MTMR8: variants seen among roughly 807,000 people sequenced by gnomAD.
MTMR8 encodes phosphatidylinositol-3,5-bisphosphate 3-phosphatase MTMR8.
In MTMR8, 65 loss-of-function variants were observed where a neutral mutation model predicts 39.3. The ratio of observed to expected loss-of-function variants is 1.65; its 90% CI spans 1.35 to 2.03. The LOEUF (loss-of-function observed/expected upper bound fraction) is 2.03, where lower values mean the gene tolerates loss of function less well. MTMR8 is among the 30% of genes most tolerant of loss of function. The pLI is 0.00. For synonymous variants in MTMR8, 245 were observed against 185.2 expected, an observed-to-expected ratio of 1.32 and a Z score of -2.62; for missense variants, 777 against 538.9, an observed-to-expected ratio of 1.44 and a Z score of -4.37.
intron 6 of MTMR8, 83 bp from the exon 7 acceptor site, chrX:64,345,260 A>G: frequency 1.0e-6 from 1 of 989,579 alleles, no homozygotes. Context: ...CTCATTCTGA[A>G]CCGTTTAAAA....
chrX:64,307,690 T>C (rs921867900), intron 12 of MTMR8, among the ~76,000 whole-genome samples: 1 of 111,885 alleles, frequency 8.9e-6, no homozygotes, highest in African/African-American at 3.3e-5. Context: ...CCGCTGACTT[T>C]ACATACACAT....
chrX:64,377,460 G>A (rs1924300315), intron 1 of MTMR8, among the ~76,000 whole-genome samples: 1 of 112,718 alleles, frequency 8.9e-6, no homozygotes, highest in African/African-American at 3.2e-5. Flanking sequence ...CTGGATGTGA[G>A]ACATACAGTC....
intron 10 of MTMR8, among the ~76,000 whole-genome samples, chrX:64,334,031 C>T (rs1228534742): frequency 9.0e-6 from 1 of 111,566 alleles, no homozygotes; most frequent in Non-Finnish European, 1.9e-5. Flanking sequence ...TCTTCTTCCT[C>T]TTTATACAAT....
At chrX:64,381,015 T>C (rs978583368) in intron 1 of MTMR8, among the ~76,000 whole-genome samples, 35 of 112,320 alleles carry the variant, frequency 3.1e-4, no homozygotes, top group Non-Finnish European at 5.4e-4. Flanking sequence ...TTGGCTTGGT[T>C]CCAAGTCTTT....
At chrX:64,274,512 C>A (rs1336784087) in intron 12 of MTMR8, among the ~76,000 whole-genome samples, 1 of 111,277 alleles carries the variant, frequency 9.0e-6, no homozygotes, top group East Asian at 2.8e-4. Flanking sequence ...AGAGGTTTGA[C>A]AAAAATTAAA....
chrX:64,288,425 G>A (rs1437912060), intron 12 of MTMR8, among the ~76,000 whole-genome samples: 1 of 111,659 alleles, frequency 9.0e-6, no homozygotes, highest in Admixed American at 9.5e-5. Context: ...TGGTGGGACT[G>A]TAAACTAGTT....
chrX:64,297,888 T>C (rs1344362474), intron 12 of MTMR8, among the ~76,000 whole-genome samples: 3 of 104,842 alleles, frequency 2.9e-5, no homozygotes, highest in Admixed American at 2.1e-4. Flanking sequence ...GATCAGATAG[T>C]TGTAGGTAGG....
chrX:64,380,209 C>T (rs181071219), intron 1 of MTMR8, among the ~76,000 whole-genome samples: 42 of 112,597 alleles, frequency 3.7e-4, no homozygotes, highest in Non-Finnish European at 6.8e-4. Flanking sequence ...TGTCTGACTT[C>T]ACTTTGTAAA....
intron 8 of MTMR8, among the ~76,000 whole-genome samples, chrX:64,340,615 T>C (rs1181130141): frequency 9.0e-6 from 1 of 111,433 alleles, no homozygotes; most frequent in African/African-American, 3.3e-5. Context: ...TAGTCAGGTT[T>C]CAGGTAAAAA....
intron 2 of MTMR8, among the ~76,000 whole-genome samples, chrX:64,358,843 G>GCACA (rs762422321): frequency 0.096 from 8,786 of 91,073 alleles, 981 homozygotes; most frequent in African/African-American, 0.31. Flanking sequence ...GCCCGTGCAT[G>GCACA]CACACACACA....
chrX:64,395,270 T>G, intron 1 of MTMR8, 70 bp downstream of exon 1: 3 of 1,093,393 alleles, frequency 2.7e-6, no homozygotes, highest in African/African-American at 3.6e-5. Context: ...TGAGGAGGTG[T>G]GTCTGGGCTC....
At chrX:64,369,404 C>T (rs1924067607) in intron 1 of MTMR8, among the ~76,000 whole-genome samples, 2 of 111,766 alleles carry the variant, frequency 1.8e-5, no homozygotes, top group Admixed American at 9.5e-5. Flanking sequence ...GAAAATGTGG[C>T]ACATATACAC....
intron 12 of MTMR8, among the ~76,000 whole-genome samples, chrX:64,308,708 G>A (rs1325124196): frequency 5.4e-5 from 6 of 111,180 alleles, no homozygotes; most frequent in South Asian, 3.8e-4. Flanking sequence ...GTGGCATGGC[G>A]TATACAGATA....
chrX:64,283,258 G>T (rs973412745), intron 12 of MTMR8, among the ~76,000 whole-genome samples: 4 of 111,914 alleles, frequency 3.6e-5, no homozygotes, highest in African/African-American at 1.3e-4. Context: ...GAACTGCAAG[G>T]CAGCAGTGAG....
intron 1 of MTMR8, among the ~76,000 whole-genome samples, chrX:64,371,230 A>T (rs899044108): frequency 8.9e-6 from 1 of 112,280 alleles, no homozygotes; most frequent in African/African-American, 3.2e-5. Context: ...ATTTACATTT[A>T]TAAGAAAAGC....
At chrX:64,289,169 A>G (rs777293652) in intron 12 of MTMR8, among the ~76,000 whole-genome samples, 313 of 110,940 alleles carry the variant, frequency 2.8e-3, no homozygotes, top group Admixed American at 4.9e-3. Context: ...AAGATGTTCA[A>G]CAACACTAAT....
At chrX:64,282,887 C>T (rs1921009862) in intron 12 of MTMR8, among the ~76,000 whole-genome samples, 1 of 111,522 alleles carries the variant, frequency 9.0e-6, no homozygotes, top group African/African-American at 3.3e-5. Context: ...CAGTCTACAG[C>T]TCCCAGCGTG....
chrX:64,380,535 T>C (rs1053357789), intron 1 of MTMR8, among the ~76,000 whole-genome samples: 1 of 112,594 alleles, frequency 8.9e-6, no homozygotes, highest in African/African-American at 3.2e-5. Context: ...CCAAACTTCA[T>C]CTAAATAAAA....
chrX:64,335,797 G>A (rs995794508), intron 10 of MTMR8, among the ~76,000 whole-genome samples: 5 of 112,117 alleles, frequency 4.5e-5, no homozygotes, highest in African/African-American at 1.6e-4. Flanking sequence ...GCAATGTTAA[G>A]CACTTTTCCT....
Sources: allele counts gnomAD v4.1 joint callset (sites outside exome capture counted in the v4.1 genomes callset), GRCh38; gene constraint gnomAD v4.1.1; transcripts MANE v1.5; gene names NCBI Gene and HGNC (gene_info 2026-07-23, HGNC 2026-07-21).